Variants in CSNK1G3 observed in about 807,000 individuals in gnomAD.
CSNK1G3 encodes the protein casein kinase I isoform gamma-3.
Under a neutral mutation model 64.3 loss-of-function variants are expected in CSNK1G3, and 23 were observed. The observed-to-expected ratio is 0.36, with a 90% CI of 0.26 to 0.51. The LOEUF is 0.51. Among genes scored for constraint, CSNK1G3 ranks in the 20% least tolerant of loss-of-function variants. The pLI is 0.96. For synonymous variants in CSNK1G3, 158 were observed against 162.2 expected, an observed-to-expected ratio of 0.97 and a Z score of 0.20; for missense variants, 357 against 510.5, an observed-to-expected ratio of 0.70 and a Z score of 2.90.
chr5:123,545,771 T>A, exon 2 of CSNK1G3: 1 of 1,613,774 alleles, frequency 6.2e-7, no homozygotes, highest in Non-Finnish European at 8.5e-7. Context: ...CGTCTGGAGT[T>A]TTAATGGTTG....
At chr5:123,591,446 C>T in intron 10 of CSNK1G3, 32 bp downstream of exon 10, 1 of 1,409,968 alleles carries the variant, frequency 7.1e-7, no homozygotes, top group Non-Finnish European at 9.9e-7. Flanking sequence ...AAATACCTTC[C>T]TTTCATGATT....
chr5:123,588,925 G>T (rs999465300), intron 8 of CSNK1G3, among the ~76,000 whole-genome samples: 9 of 152,134 alleles, frequency 5.9e-5, no homozygotes, highest in African/African-American at 2.2e-4. Flanking sequence ...AGTAAGGCCA[G>T]TAAAACCTTA....
chr5:123,530,983 A>G (rs762020417), intron 1 of CSNK1G3, among the ~76,000 whole-genome samples: 48 of 152,164 alleles, frequency 3.2e-4, no homozygotes, highest in Non-Finnish European at 6.3e-4. Context: ...CACATCACAA[A>G]TATCTTTACT....
rs1008297840 is a variant in CSNK1G3, at chr5:123,516,072, T to A, written c.-248+3502T>A. 1.1e-4 allele frequency among the ~76,000 whole-genome samples: 16 copies of A among 152,316 alleles called. No homozygotes were observed. In the South Asian group the frequency reaches 1.2e-3, roughly 12 times the overall value. On this transcript the variant is annotated intron_variant, in intron 1 of 12. Coordinates refer to ENST00000345990, the Ensembl canonical transcript of CSNK1G3. Reference sequence around the variant, plus strand: ...TTATCTTCCATCTTCATCCTTTTTTTGGTCTTTTCTCAAGCGGTTGGCAAT... The same window carrying A: ...TTATCTTCCATCTTCATCCTTTTTTAGGTCTTTTCTCAAGCGGTTGGCAAT...
chr5:123,578,350 G>T (rs1362352851), intron 6 of CSNK1G3, among the ~76,000 whole-genome samples: 1 of 151,658 alleles, frequency 6.6e-6, no homozygotes, highest in Non-Finnish European at 1.5e-5. Context: ...TTTCATTGTA[G>T]CTATTCTAGT....
chr5:123,557,258 CT>C (rs1784824413), intron 3 of CSNK1G3, among the ~76,000 whole-genome samples: 1 of 152,072 alleles, frequency 6.6e-6, no homozygotes, highest in African/African-American at 2.4e-5. Context: ...AAGAGTCAAA[CT>C]TAAGGGATTT....
chr5:123,514,837 A>G (rs1776858844), intron 1 of CSNK1G3, among the ~76,000 whole-genome samples: 1 of 152,088 alleles, frequency 6.6e-6, no homozygotes, highest in African/African-American at 2.4e-5. Context: ...GGGAGAAGCT[A>G]TGAAAGTAGG....
intron 10 of CSNK1G3, among the ~76,000 whole-genome samples, chr5:123,598,685 T>TGGAGGTAAATCATGAA (rs1793890717): frequency 6.6e-6 from 1 of 152,134 alleles, no homozygotes; most frequent in Admixed American, 6.6e-5. Context: ...GAAGGTAGGC[T>TGGAGGTAAATCATGAA]GGAGGTAAAT....
At chr5:123,563,271 T>C (rs1324880316) in intron 4 of CSNK1G3, among the ~76,000 whole-genome samples, 1 of 152,086 alleles carries the variant, frequency 6.6e-6, no homozygotes, top group Non-Finnish European at 1.5e-5. Context: ...AATCATCATT[T>C]CTCGAGTGGC....
At chr5:123,545,780 T>C (rs1561491763) in exon 2 of CSNK1G3, 1 of 1,613,756 alleles carries the variant, frequency 6.2e-7, no homozygotes, top group Non-Finnish European at 8.5e-7. Context: ...TTTTAATGGT[T>C]GGACCTAACT....
In CSNK1G3 at chr5:123,588,166, G is replaced by A; in HGVS notation, c.759+13G>A. The A allele has an allele frequency of 6.5e-7, 1 of 1,550,194 alleles. No homozygotes were observed. Among genetic ancestry groups the A allele is most frequent in the Non-Finnish European group, 8.9e-7 (1 of 1,124,466 alleles). On this transcript the variant is annotated intron_variant, in intron 7 of 12. Transcript: ENST00000345990. Reference sequence around the variant, plus strand: ...GCAAGGCTTAAAGGTAATTGTTTTTGTGTTTCTTTATTGAATTTCATAAAA... The same window carrying A: ...GCAAGGCTTAAAGGTAATTGTTTTTATGTTTCTTTATTGAATTTCATAAAA...
At chr5:123,588,367 A>G in intron 7 of CSNK1G3, 60 bp from the exon 8 acceptor site, 1 of 1,315,468 alleles carries the variant, frequency 7.6e-7, no homozygotes, top group Non-Finnish European at 1.1e-6. Context: ...TACCGTGTGC[A>G]GTCCCAGCTA....
intron 12 of CSNK1G3, 138 bp from the exon 14 acceptor site, chr5:123,614,204 G>A (rs548054191): frequency 3.5e-5 from 23 of 659,142 alleles, no homozygotes; most frequent in East Asian, 2.2e-4. Flanking sequence ...TCACTAATAC[G>A]TATGCTTCAT....
chr5:123,552,560 AC>A (rs1783896766), intron 2 of CSNK1G3, among the ~76,000 whole-genome samples: 2 of 152,302 alleles, frequency 1.3e-5, no homozygotes, highest in South Asian at 4.1e-4. Flanking sequence ...AAGGTGAGGC[AC>A]CAGTAACTAT....
chr5:123,514,445 A>G (rs11958104), intron 1 of CSNK1G3, among the ~76,000 whole-genome samples: 1 of 152,258 alleles, frequency 6.6e-6, no homozygotes, highest in Admixed American at 6.5e-5. Context: ...GTTTAATTCA[A>G]CCAGGACCAC....
chr5:123,598,596 A>G (rs901491838), intron 10 of CSNK1G3, among the ~76,000 whole-genome samples: 4 of 152,138 alleles, frequency 2.6e-5, no homozygotes, highest in Admixed American at 1.3e-4. Context: ...AGAAGACAAT[A>G]TGAATAAGGT....
chr5:123,558,989 C>T (rs780062093), intron 4 of CSNK1G3, among the ~76,000 whole-genome samples: 25 of 152,156 alleles, frequency 1.6e-4, no homozygotes, highest in Middle Eastern at 3.4e-3. Flanking sequence ...TCTAGTTGGC[C>T]CTTCTTAAGA....
At chr5:123,582,672 T>C (rs1790522208) in intron 6 of CSNK1G3, among the ~76,000 whole-genome samples, 1 of 152,168 alleles carries the variant, frequency 6.6e-6, no homozygotes, top group Admixed American at 6.6e-5. Context: ...TTCTTGGCCT[T>C]GTGGAAAAAC....
intron 3 of CSNK1G3, among the ~76,000 whole-genome samples, chr5:123,556,447 G>A (rs1784637916): frequency 6.6e-6 from 1 of 151,872 alleles, no homozygotes; most frequent in Admixed American, 6.6e-5. Flanking sequence ...GATTGTCCAG[G>A]TGTCTGATCC....
Sources: allele counts gnomAD v4.1 joint callset (sites outside exome capture counted in the v4.1 genomes callset), GRCh38; gene constraint gnomAD v4.1.1; transcripts MANE v1.5; gene names NCBI Gene and HGNC (gene_info 2026-07-23, HGNC 2026-07-21).